GRIP1: variants seen among roughly 807,000 people sequenced by gnomAD.
GRIP1 encodes glutamate receptor-interacting protein 1.
A neutral mutation model predicts 129.9 loss-of-function variants in GRIP1; 45 were observed. The ratio of observed to expected loss-of-function variants is 0.35; its 90% confidence interval spans 0.27 to 0.44. The LOEUF (loss-of-function observed/expected upper bound fraction) is 0.44. Among genes scored for constraint, GRIP1 ranks in the 20% least tolerant of loss-of-function variants. The probability of loss-of-function intolerance (pLI) is 1.00; values close to 1 mark genes in which losing one functional copy is unlikely to be tolerated. For synonymous variants in GRIP1, 530 were observed against 520.8 expected, an observed-to-expected ratio of 1.02 and a Z score of -0.24; for missense variants, 1,196 against 1,396.8, an observed-to-expected ratio of 0.86 and a Z score of 2.29.
chr12:66,683,264 C>A, upstream of GRIP1, among the ~76,000 whole-genome samples: 1 of 152,094 alleles, frequency 6.6e-6, no homozygotes, highest in Non-Finnish European at 1.5e-5. Context: ...ACCATGAGCT[C>A]AAACATGTTA....
At chr12:66,399,718 T>C (rs2056916568) in intron 16 of GRIP1, among the ~76,000 whole-genome samples, 1 of 151,958 alleles carries the variant, frequency 6.6e-6, no homozygotes, top group Non-Finnish European at 1.5e-5. Context: ...ATGAATGCTA[T>C]CTGGCTTGAA....
At chr12:66,806,107 A>G (rs1290718050), upstream of GRIP1, among the ~76,000 whole-genome samples, 1 of 152,042 alleles carries the variant, frequency 6.6e-6, no homozygotes, top group Non-Finnish European at 1.5e-5. Flanking sequence ...GTCACTAAAT[A>G]TATGACAATA....
At chr12:66,853,326 G>C (rs12320157) in intron 1 of GRIP1, among the ~76,000 whole-genome samples, 23,582 of 151,762 alleles carry the variant, frequency 0.16, 2,001 homozygotes, top group East Asian at 0.37. Flanking sequence ...TCAGCAGCCA[G>C]TGATGCATTA....
At chr12:66,616,387 T>G (rs908688585) in intron 1 of GRIP1, among the ~76,000 whole-genome samples, 1 of 152,144 alleles carries the variant, frequency 6.6e-6, no homozygotes, top group African/African-American at 2.4e-5. Flanking sequence ...AAAAAATGCT[T>G]AGTCTTAGTG....
chr12:66,476,649 G>T (rs1365580721), intron 7 of GRIP1, among the ~76,000 whole-genome samples: 5 of 152,112 alleles, frequency 3.3e-5, no homozygotes, highest in African/African-American at 9.7e-5. Flanking sequence ...GCAAACTGAA[G>T]CCAGCAGCAC....
intron 1 of GRIP1, among the ~76,000 whole-genome samples, chr12:66,617,868 C>A (rs1223034631): frequency 6.9e-6 from 1 of 145,566 alleles, no homozygotes; most frequent in Non-Finnish European, 1.5e-5. Context: ...AGTTGATCAA[C>A]ATACATGCTT....
intron 1 of GRIP1, among the ~76,000 whole-genome samples, chr12:66,942,319 A>G (rs1449936654): frequency 6.6e-6 from 1 of 151,074 alleles, no homozygotes; most frequent in Non-Finnish European, 1.5e-5. Flanking sequence ...CAGTGTCTTC[A>G]CTTATGCTAA....
At chr12:67,025,715 C>CAGATGCCACCAG (rs1412979178) in intron 1 of GRIP1, among the ~76,000 whole-genome samples, 42 of 152,184 alleles carry the variant, frequency 2.8e-4, no homozygotes, top group African/African-American at 8.4e-4. Flanking sequence ...TATCTTGGGT[C>CAGATGCCACCAG]ATGACGGCGA....
chr12:66,655,753 G>A (rs1305090722), intron 1 of GRIP1, among the ~76,000 whole-genome samples: 1 of 151,904 alleles, frequency 6.6e-6, no homozygotes, highest in Non-Finnish European at 1.5e-5. Context: ...GGGACTACAG[G>A]TATCCGCCAC....
At chr12:66,766,257 C>A (rs1436852741) in intron 1 of GRIP1, among the ~76,000 whole-genome samples, 1 of 152,178 alleles carries the variant, frequency 6.6e-6, no homozygotes, top group East Asian at 1.9e-4. Context: ...GTAGAGATAT[C>A]TGGGGAGTCA....
intron 1 of GRIP1, among the ~76,000 whole-genome samples, chr12:66,775,756 C>G (rs1305199319): frequency 1.3e-5 from 2 of 152,044 alleles, no homozygotes; most frequent in Non-Finnish European, 2.9e-5. Context: ...GAAAAAACAA[C>G]TGCTCTTTCT....
chr12:66,869,262 G>C (rs1235111842), intron 1 of GRIP1, among the ~76,000 whole-genome samples: 1 of 151,936 alleles, frequency 6.6e-6, no homozygotes, highest in East Asian at 1.9e-4. Flanking sequence ...CACCACTGCT[G>C]GGTAGAAAGG....
intron 20 of GRIP1, among the ~76,000 whole-genome samples, chr12:66,378,872 G>C (rs2055952534): frequency 6.6e-6 from 1 of 152,156 alleles, no homozygotes; most frequent in Non-Finnish European, 1.5e-5. Flanking sequence ...GCTAGAACCT[G>C]GGAGATGGAG....
At chr12:66,787,037 T>C (rs1337269067) in intron 1 of GRIP1, among the ~76,000 whole-genome samples, 1 of 152,172 alleles carries the variant, frequency 6.6e-6, no homozygotes, top group Non-Finnish European at 1.5e-5. Flanking sequence ...GCTATAAAGC[T>C]GTGACTACAG....
At chr12:66,676,557 C>A (rs1221447905) in intron 1 of GRIP1, among the ~76,000 whole-genome samples, 1 of 152,128 alleles carries the variant, frequency 6.6e-6, no homozygotes, top group Non-Finnish European at 1.5e-5. Flanking sequence ...AAATCCAATT[C>A]ATTTTAACAA....
chr12:66,481,000 G>A (rs1431547940), intron 7 of GRIP1, among the ~76,000 whole-genome samples: 2 of 152,100 alleles, frequency 1.3e-5, no homozygotes. Flanking sequence ...CAGAGGCATA[G>A]GCAAAGACTT....
intron 1 of GRIP1, among the ~76,000 whole-genome samples, chr12:66,635,365 A>T (rs2031260166): frequency 6.6e-6 from 1 of 152,000 alleles, no homozygotes; most frequent in South Asian, 2.1e-4. Flanking sequence ...TCAAGGTTAC[A>T]GCAAACTGTG....
chr12:66,874,624 A>G (rs1339818655), intron 1 of GRIP1, among the ~76,000 whole-genome samples: 2 of 152,050 alleles, frequency 1.3e-5, no homozygotes, highest in East Asian at 1.9e-4. Flanking sequence ...AGCACTTCAC[A>G]TGGCCGGAGC....
intron 1 of GRIP1, among the ~76,000 whole-genome samples, chr12:66,835,552 A>T (rs1185056685): frequency 6.6e-6 from 1 of 152,224 alleles, no homozygotes; most frequent in Non-Finnish European, 1.5e-5. Context: ...ACATCCAGAT[A>T]CTAGAATACT....
Sources: allele counts gnomAD v4.1 joint callset (sites outside exome capture counted in the v4.1 genomes callset), GRCh38; gene constraint gnomAD v4.1.1; transcripts MANE v1.5; gene names NCBI Gene and HGNC (gene_info 2026-07-23, HGNC 2026-07-21).